Variants in FMN1 observed in about 807,000 individuals in gnomAD.
FMN1 encodes the protein formin 1.
In FMN1, 110 loss-of-function variants were observed where a neutral mutation model predicts 132.4. The ratio of observed to expected loss-of-function variants is 0.83; its 90% CI spans 0.71 to 0.97. The LOEUF is 0.97. Among genes scored for constraint, FMN1 ranks in the 50% least tolerant of loss-of-function variants. FMN1 has a pLI of 0.00. For synonymous variants in FMN1, 722 were observed against 651.7 expected (o/e 1.11, Z -1.64); for missense variants, 1,792 against 1,705.3 (o/e 1.05, Z -0.90).
chr15:32,980,598 A>G (rs989097178), intron 7 of FMN1, among the ~76,000 whole-genome samples: 1 of 152,198 alleles, frequency 6.6e-6, no homozygotes, highest in Non-Finnish European at 1.5e-5. Context: ...GTACTTGGTT[A>G]ACCATTTTCT....
intron 17 of FMN1, among the ~76,000 whole-genome samples, chr15:32,846,305 T>C (rs2058854916): frequency 1.3e-5 from 2 of 152,254 alleles, no homozygotes; most frequent in South Asian, 4.1e-4. Context: ...ACCTACAGAA[T>C]GGGAGAAAAT....
intron 10 of FMN1, among the ~76,000 whole-genome samples, chr15:32,912,485 A>G (rs1159807952): frequency 6.6e-6 from 1 of 152,222 alleles, no homozygotes. Flanking sequence ...TAATCTCATG[A>G]AATTTATATC....
intron 6 of FMN1, among the ~76,000 whole-genome samples, chr15:33,023,073 A>G (rs1303715568): frequency 5.3e-4 from 42 of 78,850 alleles, no homozygotes; most frequent in Admixed American, 1.7e-3. Context: ...AAAAAAAAAA[A>G]AAAAGAAAAA....
At chr15:32,958,549 TATACATACATACATAC>T (rs34715846) in intron 9 of FMN1, among the ~76,000 whole-genome samples, 19 of 150,664 alleles carry the variant, frequency 1.3e-4, no homozygotes, top group African/African-American at 3.2e-4. Flanking sequence ...TTTGAGAAGA[TATACATACATACATAC>T]ATACATACAT....
chr15:33,108,172 C>T (rs2039557424), intron 4 of FMN1, among the ~76,000 whole-genome samples: 1 of 151,958 alleles, frequency 6.6e-6, no homozygotes, highest in African/African-American at 2.4e-5. Flanking sequence ...TTGACTAAGC[C>T]CTCTCTGTTT....
At chr15:32,905,917 C>T (rs1327228183) in intron 12 of FMN1, among the ~76,000 whole-genome samples, 3 of 152,140 alleles carry the variant, frequency 2.0e-5, no homozygotes, top group African/African-American at 4.8e-5. Context: ...GCCTCACCCT[C>T]CCGCAACTGA....
chr15:33,070,299 C>T (rs1404089702), intron 5 of FMN1, among the ~76,000 whole-genome samples: 1 of 151,792 alleles, frequency 6.6e-6, no homozygotes, highest in African/African-American at 2.4e-5. Context: ...GCCACCGCGC[C>T]CGGCCTAAGA....
intron 6 of FMN1, among the ~76,000 whole-genome samples, chr15:33,055,867 G>T (rs998936486): frequency 6.6e-6 from 1 of 151,998 alleles, no homozygotes; most frequent in African/African-American, 2.4e-5. Flanking sequence ...CTCAAATCCA[G>T]CATATAAAAA....
intron 10 of FMN1, among the ~76,000 whole-genome samples, chr15:32,913,349 A>T (rs2060609884): frequency 6.6e-6 from 1 of 152,272 alleles, no homozygotes; most frequent in Non-Finnish European, 1.5e-5. Context: ...TGGATTTCAA[A>T]ATTTTACTGT....
intron 9 of FMN1, among the ~76,000 whole-genome samples, chr15:32,954,092 T>C (rs981734483): frequency 2.6e-5 from 4 of 152,198 alleles, no homozygotes; most frequent in African/African-American, 9.6e-5. Context: ...CAACAACTAA[T>C]AGTTACCTTC....
At chr15:33,018,409 GGC>G (rs2035199957) in intron 6 of FMN1, among the ~76,000 whole-genome samples, 1 of 152,060 alleles carries the variant, frequency 6.6e-6, no homozygotes, top group Non-Finnish European at 1.5e-5. Context: ...CTATGGGGAG[GGC>G]AGAGGAGCTG....
At chr15:33,160,013 C>T (rs1214420457) in intron 3 of FMN1, among the ~76,000 whole-genome samples, 1 of 152,134 alleles carries the variant, frequency 6.6e-6, no homozygotes, top group Non-Finnish European at 1.5e-5. Context: ...GTTAGTAGTC[C>T]TAGATTTCTA....
chr15:32,943,864 G>A (rs1053624271), intron 9 of FMN1, among the ~76,000 whole-genome samples: 2 of 152,170 alleles, frequency 1.3e-5, no homozygotes, highest in Non-Finnish European at 2.9e-5. Context: ...GGAAAACAGA[G>A]TGAGAGTTTC....
rs530107139 is a variant in FMN1 at position 32,843,636 on chromosome 15, A to G, written c.3928+13379T>C. On this transcript the variant is annotated intron_variant, in intron 17 of 20. Transcript: ENST00000616417. Reference sequence around the variant, plus strand: ...ATTACAATTACTCACGCCACATTTTATTTATTTCAGCAAGGAAATGGGATG... The same window carrying G: ...ATTACAATTACTCACGCCACATTTTGTTTATTTCAGCAAGGAAATGGGATG... Among the ~76,000 whole-genome samples, 24 of 152,284 alleles carry G rather than the reference A, an allele frequency of 1.6e-4. No homozygotes were observed. In the South Asian group the frequency reaches 4.4e-3, roughly 28 times the overall value.
rs1333951817 is a variant in FMN1 at position 33,064,965 on chromosome 15, G to A, written c.2153C>T (p.Thr718Ile). Residue 718 changes from threonine to isoleucine, a missense_variant, in exon 6 of 21, where the codon ACT becomes ATT. Physicochemically the swap from Thr to Ile is moderately conservative, Grantham distance 89. This residue lies in a region of FMN1 where 1,150 missense variants were observed against 1,043.1 expected (regional missense o/e 1.10). Transcript: ENST00000616417. ...DTEEKVGLKY[T>I]EAEYQAAILH... ...GCTTCCTTTCACATTACCTGCTTCA[G>A]TGTACTTCAGTCCCACTTTTTCTTC... is the stretch of plus-strand genomic sequence containing the variant. 1.2e-6 allele frequency: 2 copies of A among 1,609,454 alleles called. No individual in the cohort carries two copies. The highest frequency in any genetic ancestry group is 1.1e-5 in the South Asian group (1 of 90,184).
At chr15:32,908,656 T>G in intron 11 of FMN1, 78 bp from the exon 12 acceptor site, 1 of 853,226 alleles carries the variant, frequency 1.2e-6, no homozygotes, top group Non-Finnish European at 1.8e-6. Context: ...GCAGTGGGTC[T>G]CAAAGTCTCG....
chr15:33,058,068 G>GTGGTGGAAAGGTGTGATGGGGGTGC (rs1000240237), intron 6 of FMN1, among the ~76,000 whole-genome samples: 2 of 150,234 alleles, frequency 1.3e-5, no homozygotes, highest in Non-Finnish European at 3.0e-5. Flanking sequence ...GGTGGGGCTG[G>GTGGTGGAAAGGTGTGATGGGGGTGC]TGGTGGAAAG....
intron 9 of FMN1, among the ~76,000 whole-genome samples, chr15:32,947,956 T>C (rs542822751): frequency 3.3e-5 from 5 of 152,158 alleles, no homozygotes; most frequent in Non-Finnish European, 5.9e-5. Flanking sequence ...CTTTGCCTTA[T>C]TACACTTGCT....
intron 3 of FMN1, among the ~76,000 whole-genome samples, chr15:33,176,706 G>A (rs1438883527): frequency 6.6e-6 from 1 of 152,012 alleles, no homozygotes; most frequent in Non-Finnish European, 1.5e-5. Context: ...AATATGACTA[G>A]ATATAAATCA....
Sources: allele counts gnomAD v4.1 joint callset (sites outside exome capture counted in the v4.1 genomes callset), GRCh38; gene constraint gnomAD v4.1.1; regional missense constraint gnomAD v4.1.1; transcripts MANE v1.5; gene names NCBI Gene and HGNC (gene_info 2026-07-23, HGNC 2026-07-21).